The following ANKS1B variants were observed in gnomAD, a reference collection of about 807,000 sequenced individuals.
ANKS1B encodes ankyrin repeat and sterile alpha motif domain-containing protein 1B.
A neutral mutation model predicts 148.3 loss-of-function variants in ANKS1B; 36 were observed. The ratio of observed to expected loss-of-function variants is 0.24; its 90% confidence interval spans 0.19 to 0.32. The LOEUF is 0.32. Ranked by LOEUF, ANKS1B falls within the 10% of genes least tolerant of loss-of-function variation. The probability of loss-of-function intolerance (pLI) is 1.00; values close to 1 mark genes in which losing one functional copy is unlikely to be tolerated. For missense variants in ANKS1B, 1,157 were observed against 1,542.6 expected, an observed-to-expected ratio of 0.75 and a Z score of 4.19; for synonymous variants, 542 against 560.8, an observed-to-expected ratio of 0.97 and a Z score of 0.47.
chr12:99,092,197 T>G (rs1237380740), intron 15 of ANKS1B, among the ~76,000 whole-genome samples: 3 of 152,230 alleles, frequency 2.0e-5, no homozygotes, highest in Admixed American at 2.0e-4. Context: ...CAACTTCTCT[T>G]TTGAAGTGTG....
At chr12:99,971,028 A>AT (rs71436976) in intron 1 of ANKS1B, among the ~76,000 whole-genome samples, 18,515 of 152,144 alleles carry the variant, frequency 0.12, 1,456 homozygotes, top group Middle Eastern at 0.18. Context: ...GTAAAGACCT[A>AT]TTTTTTGTTA....
At chr12:99,451,786 CGT>C (rs147892225) in intron 10 of ANKS1B, among the ~76,000 whole-genome samples, 13 of 150,440 alleles carry the variant, frequency 8.6e-5, no homozygotes, top group East Asian at 7.8e-4. Flanking sequence ...TGTACAGATA[CGT>C]GTGTGTGTGT....
At chr12:99,188,627 A>ATCC (rs2080214374) in intron 14 of ANKS1B, among the ~76,000 whole-genome samples, 1 of 152,212 alleles carries the variant, frequency 6.6e-6, no homozygotes, top group Non-Finnish European at 1.5e-5. Flanking sequence ...GGCAGAAATA[A>ATCC]ATAAGTTATT....
intron 17 of ANKS1B, among the ~76,000 whole-genome samples, chr12:98,884,393 A>G (rs1315520571): frequency 6.6e-6 from 1 of 152,246 alleles, no homozygotes; most frequent in East Asian, 1.9e-4. Flanking sequence ...GAGCCTAAAG[A>G]GTTCATACAT....
chr12:99,341,323 C>T (rs1031151931), intron 12 of ANKS1B: 1 of 152,108 alleles, frequency 6.6e-6, no homozygotes, highest in African/African-American at 2.4e-5. Context: ...GAGAATCAAG[C>T]TCAGATGTTT....
chr12:99,415,677 G>A lies in ANKS1B; in HGVS notation c.1576-15866C>T, dbSNP rs1002527298. 4.6e-5 allele frequency among the ~76,000 whole-genome samples: 7 copies of A among 152,012 alleles called. No homozygotes were observed. In the East Asian group the frequency reaches 5.8e-4, roughly 13 times the overall value. On this transcript the variant is annotated intron_variant, in intron 11 of 26. Transcript: ENST00000683438. ...AACAGAGCAATTCCATCACCACGAG[G>A]ATCCCTCCCATTGCCCTTTTTTTTG... is the stretch of plus-strand genomic sequence containing the variant.
chr12:99,376,261 C>T (rs992403446), intron 12 of ANKS1B, among the ~76,000 whole-genome samples: 9 of 152,154 alleles, frequency 5.9e-5, no homozygotes, highest in African/African-American at 2.2e-4. Flanking sequence ...ATTTAAAATG[C>T]TGATTTAAAT....
chr12:99,077,771 G>A lies in ANKS1B; in HGVS notation c.2625+7154C>T, dbSNP rs114353868. The stretch of plus-strand genomic sequence containing the variant: ...AAAATTATCTTCATAGAATGTCTCT[G>A]TTCTCTTAAAGACTCTAGTTCTTTC... On this transcript the variant is annotated intron_variant, in intron 16 of 26. Transcript: ENST00000683438. Among the ~76,000 whole-genome samples, 525 of 152,262 alleles carry A rather than the reference G, an allele frequency of 3.4e-3. 5 individuals are homozygous for A. Among genetic ancestry groups the A allele is most frequent in the African/African-American group, 0.012 (512 of 41,542 alleles).
intron 16 of ANKS1B, among the ~76,000 whole-genome samples, chr12:99,068,492 A>G (rs960409928): frequency 2.0e-5 from 3 of 152,216 alleles, no homozygotes; most frequent in African/African-American, 7.2e-5. Context: ...TCACTGACCC[A>G]AATGTTGTTA....
At chr12:99,813,221 TAGAA>T (rs1185397745) in intron 2 of ANKS1B, among the ~76,000 whole-genome samples, 1 of 151,542 alleles carries the variant, frequency 6.6e-6, no homozygotes, top group African/African-American at 2.4e-5. Context: ...TACTCAACCT[TAGAA>T]AGAATTAATT....
In ANKS1B at chr12:99,626,436, G is replaced by A. The variant is rs372824918; in HGVS notation, c.1272+28631C>T. 1.9e-3 allele frequency among the ~76,000 whole-genome samples: 295 copies of A among 152,184 alleles called. 2 individuals are homozygous for A. The highest frequency in any genetic ancestry group is 6.9e-3 in the African/African-American group (288 of 41,530). ...ATCATCACTACATGTTTGAAAAATC[G>A]ATATATCACTTGCAACCAAGGATTA... On this transcript the variant is annotated intron_variant, in intron 9 of 26. Transcript: ENST00000683438.
At chr12:99,197,648 G>A (rs2153892507) in intron 14 of ANKS1B, among the ~76,000 whole-genome samples, 1 of 152,216 alleles carries the variant, frequency 6.6e-6, no homozygotes, top group Admixed American at 6.5e-5. Context: ...ATGGCAATGT[G>A]AAAAGAACTC....
chr12:99,632,074 G>C (rs1331943799), intron 9 of ANKS1B, among the ~76,000 whole-genome samples: 1 of 152,134 alleles, frequency 6.6e-6, no homozygotes, highest in African/African-American at 2.4e-5. Flanking sequence ...GGCCTGGGGT[G>C]CTCATTGCCC....
chr12:99,134,645 T>TCACACACACA (rs4016023), intron 15 of ANKS1B, among the ~76,000 whole-genome samples: 9 of 105,104 alleles, frequency 8.6e-5, no homozygotes, highest in East Asian at 2.6e-4. Context: ...TCTCTCTCTC[T>TCACACACACA]CACACACACA....
chr12:98,836,405 G>C (rs943804131), intron 17 of ANKS1B, among the ~76,000 whole-genome samples: 6 of 152,142 alleles, frequency 3.9e-5, no homozygotes, highest in African/African-American at 1.4e-4. Context: ...GATTCAATCC[G>C]AGCTGGCTCA....
rs1305729263 is a variant in ANKS1B, at chr12:99,443,866, T to G, written c.1439-57A>C. On this transcript the variant is annotated intron_variant, in intron 10 of 26. Coordinates refer to ENST00000683438, the MANE Select transcript of ANKS1B (RefSeq NM_001352186.2). ...AATCACTCAGTTTACCTTTTAAGAC[T>G]TGAAATTAATTTTCTGAACATAAAT... 9.2e-6 allele frequency: 14 copies of G among 1,526,788 alleles called. No homozygotes were observed. The Admixed American group carries it at 2.9e-4, about 31-fold the overall frequency. 94.6% of individuals were successfully genotyped at this position (1,526,788 alleles called of 1,614,324 possible).
intron 17 of ANKS1B, among the ~76,000 whole-genome samples, chr12:99,034,238 C>T (rs887570897): frequency 2.6e-5 from 4 of 152,234 alleles, no homozygotes; most frequent in Admixed American, 1.3e-4. Context: ...TGCAAGAGAG[C>T]GGCAGGGCAG....
chr12:98,745,982 C>G, intron 26 of ANKS1B, 133 bp from the exon 27 acceptor site: 1 of 897,468 alleles, frequency 1.1e-6, no homozygotes, highest in Non-Finnish European at 1.6e-6. Context: ...CTAGGCGGCT[C>G]GCGGGCTCGC....
intron 19 of ANKS1B, among the ~76,000 whole-genome samples, chr12:98,827,346 G>A (rs868577899): frequency 1.3e-5 from 2 of 152,172 alleles, no homozygotes; most frequent in South Asian, 2.1e-4. Flanking sequence ...CTCGATCATC[G>A]TTAGTACTCC....
Sources: gnomAD v4.1 joint callset for allele counts (sites outside exome capture counted in the v4.1 genomes callset) on GRCh38, gnomAD v4.1.1 for gene constraint, MANE v1.5 for transcripts, NCBI Gene and HGNC (gene_info 2026-07-23, HGNC 2026-07-21) for gene names.